SASH1: variants seen among roughly 807,000 people sequenced by gnomAD.
SASH1 encodes the protein SAM and SH3 domain containing 1.
A neutral mutation model predicts 125.2 loss-of-function variants in SASH1; 44 were observed. The ratio of observed to expected loss-of-function variants is 0.35; its 90% CI spans 0.28 to 0.45. The LOEUF is 0.45. SASH1 is among the 20% of genes least tolerant of loss of function. The pLI is 1.00. For synonymous variants in SASH1, 639 were observed against 649.1 expected (o/e 0.98, Z 0.24); for missense variants, 1,426 against 1,614.5 (o/e 0.88, Z 2.00).
chr6:148,532,879 G>T lies in SASH1; in HGVS notation c.1647G>T (p.Pro549=), dbSNP rs535057612. ...CGGAAGATGGGGATGACGAAGAGCC[G>T]CCTTACCGAGGCCCGTTCTGCGGGC... is the stretch of plus-strand genomic sequence containing the variant. The part of the protein sequence containing the change: ...VKSEDGDDEE[P]PYRGPFCGRA... Residue 549 remains proline (P), a synonymous_variant, in exon 14 of 20, where the codon CCG becomes CCT. Transcript: ENST00000367467. This position sits in a 1 kb window ranked among gnomAD's most constrained non-coding sequence, Gnocchi z 4.7. 1 of 1,614,210 alleles carries T rather than the reference G, an allele frequency of 6.2e-7. No individual in the cohort carries two copies. Among genetic ancestry groups the T allele is most frequent in the South Asian group, 1.1e-5 (1 of 91,086 alleles).
At chr6:148,217,991 G>T in the SASH1 span, among the ~76,000 whole-genome samples, 1 of 151,148 alleles carries the variant, frequency 6.6e-6, no homozygotes, top group African/African-American at 2.4e-5. Flanking sequence ...CTCCAGCCTG[G>T]GTGAAAGAAT....
intron 1 of SASH1, among the ~76,000 whole-genome samples, chr6:148,370,494 TC>T (rs1213443533): frequency 6.6e-6 from 1 of 152,204 alleles, no homozygotes; most frequent in Non-Finnish European, 1.5e-5. Context: ...TATTAAATTC[TC>T]TCTTTGCTTT....
At chr6:148,341,460 C>T (rs1781324636), upstream of SASH1, among the ~76,000 whole-genome samples, 2 of 151,768 alleles carry the variant, frequency 1.3e-5, no homozygotes, top group Admixed American at 1.3e-4. Context: ...GGCGCCAGCC[C>T]CGCACCCGCC....
At chr6:148,291,944 A>G (rs930903039) in intron 1 of SASH1, among the ~76,000 whole-genome samples, 2 of 152,184 alleles carry the variant, frequency 1.3e-5, no homozygotes, top group Admixed American at 1.3e-4. Context: ...GCCAAGAAAA[A>G]TAGATACTAG....
intron 1 of SASH1, among the ~76,000 whole-genome samples, chr6:148,331,682 C>T (rs1780998754): frequency 6.6e-6 from 1 of 152,068 alleles, no homozygotes; most frequent in Non-Finnish European, 1.5e-5. Flanking sequence ...CTGGCTATTG[C>T]CTATCAGAGT....
At chr6:148,311,187 A>T (rs1780318689) in intron 1 of SASH1, among the ~76,000 whole-genome samples, 11 of 151,774 alleles carry the variant, frequency 7.2e-5, no homozygotes, top group Admixed American at 7.2e-4. Context: ...GCTCACTGCA[A>T]CATCTGCCTC....
At chr6:148,277,319 C>T (rs1387766561) in intron 1 of SASH1, among the ~76,000 whole-genome samples, 6 of 152,196 alleles carry the variant, frequency 3.9e-5, no homozygotes, top group East Asian at 1.9e-4. Flanking sequence ...CAAAATACCA[C>T]GTTAACAATA....
chr6:148,331,492 G>A (rs765421552), intron 1 of SASH1, among the ~76,000 whole-genome samples: 1 of 151,850 alleles, frequency 6.6e-6, no homozygotes, highest in East Asian at 1.9e-4. Context: ...ACCATGCCCC[G>A]CTAAGTTTTT....
At chr6:148,457,717 A>G (rs1414373506) in intron 4 of SASH1, among the ~76,000 whole-genome samples, 3 of 152,176 alleles carry the variant, frequency 2.0e-5, no homozygotes, top group Non-Finnish European at 1.5e-5. Context: ...AGACATACCC[A>G]AGACTGAGTA....
chr6:148,400,848 C>T (rs1451707103), intron 2 of SASH1, among the ~76,000 whole-genome samples: 8 of 152,246 alleles, frequency 5.3e-5, no homozygotes. Flanking sequence ...CCATTGCCCC[C>T]ATTCCAGCAG....
intron 1 of SASH1, among the ~76,000 whole-genome samples, chr6:148,377,130 A>G (rs1263358175): frequency 7.0e-6 from 1 of 143,138 alleles, no homozygotes; most frequent in Non-Finnish European, 1.5e-5. Flanking sequence ...AGATCCCGCC[A>G]CTGCACTCCA....
At chr6:148,372,611 A>G (rs1027682034) in intron 1 of SASH1, among the ~76,000 whole-genome samples, 3 of 152,232 alleles carry the variant, frequency 2.0e-5, no homozygotes, top group African/African-American at 7.2e-5. Context: ...AGCATAAAGC[A>G]ATATATAAAT....
intron 2 of SASH1, among the ~76,000 whole-genome samples, chr6:148,438,757 CAAAA>C (rs58204987): frequency 1.3e-5 from 1 of 79,484 alleles, no homozygotes; most frequent in Non-Finnish European, 2.5e-5. Flanking sequence ...CCAAAACAAA[CAAAA>C]AAAAAAACCA....
chr6:148,535,568 T>C lies in SASH1; in HGVS notation c.2095+667T>C, dbSNP rs75804488. On this transcript the variant is annotated intron_variant, in intron 16 of 19. Coordinates refer to ENST00000367467, the MANE Select transcript of SASH1 (RefSeq NM_015278.5). ...TGTAGAGCAGAGAATTCCGTATCGA[T>C]TGGCTTGCAAATTCCCAACCTAAAT... 2.0e-4 allele frequency among the ~76,000 whole-genome samples: 31 copies of C among 152,372 alleles called. 1 individual carries two copies. The highest frequency in any genetic ancestry group is 7.2e-4 in the African/African-American group (30 of 41,590).
upstream of SASH1, among the ~76,000 whole-genome samples, chr6:148,268,103 T>G (rs1251319469): frequency 6.6e-6 from 1 of 152,212 alleles, no homozygotes. Context: ...GTTCCTGAAC[T>G]TTCTAGTTCA....
At chr6:148,491,229 A>G (rs1779093742) in intron 8 of SASH1, among the ~76,000 whole-genome samples, 1 of 152,204 alleles carries the variant, frequency 6.6e-6, no homozygotes, top group South Asian at 2.1e-4. Flanking sequence ...CAGCTCCTAT[A>G]GAAATATTTC....
At chr6:148,251,326 A>G in the SASH1 span, among the ~76,000 whole-genome samples, 2 of 152,214 alleles carry the variant, frequency 1.3e-5, no homozygotes, top group African/African-American at 2.4e-5. Context: ...TTGTCCAATC[A>G]GAATTTTTTT....
At chr6:148,376,716 T>A (rs1782907775) in intron 1 of SASH1, among the ~76,000 whole-genome samples, 1 of 151,632 alleles carries the variant, frequency 6.6e-6, no homozygotes, top group Non-Finnish European at 1.5e-5. Context: ...ATACAAAAAA[T>A]TAGCTGGGCC....
chr6:148,228,208 G>T, the SASH1 span, among the ~76,000 whole-genome samples: 1 of 152,130 alleles, frequency 6.6e-6, no homozygotes, highest in Non-Finnish European at 1.5e-5. Context: ...ATTTATTTTA[G>T]AATTTATATA....
Sources: allele counts gnomAD v4.1 joint callset (sites outside exome capture counted in the v4.1 genomes callset), GRCh38; gene constraint gnomAD v4.1.1; non-coding constraint Gnocchi (gnomAD v3.1); transcripts MANE v1.5; gene names NCBI Gene and HGNC (gene_info 2026-07-23, HGNC 2026-07-21).